The following EML5 variants were observed in gnomAD, a reference collection of about 807,000 sequenced individuals.
EML5 encodes the protein echinoderm microtubule-associated protein-like 5.
Under a neutral mutation model 250.0 loss-of-function variants are expected in EML5, and 120 were observed. That is an observed-to-expected ratio of 0.48 (90% CI 0.41 to 0.56). EML5 has a LOEUF of 0.56. Ranked by LOEUF, EML5 falls within the 20% of genes least tolerant of loss-of-function variation. The pLI, the probability that EML5 is intolerant of heterozygous loss-of-function variation, is 0.00. For synonymous variants in EML5, 771 were observed against 806.5 expected, an observed-to-expected ratio of 0.96 and a Z score of 0.75; for missense variants, 2,006 against 2,437.6, an observed-to-expected ratio of 0.82 and a Z score of 3.73.
At chr14:88,668,060 C>T (rs1013297230) in intron 21 of EML5, among the ~76,000 whole-genome samples, 1 of 152,226 alleles carries the variant, frequency 6.6e-6, no homozygotes, top group Non-Finnish European at 1.5e-5. Flanking sequence ...ACACCATTTC[C>T]AAACAGGTCT....
At chr14:88,780,382 T>C (rs1225052836) in intron 1 of EML5, among the ~76,000 whole-genome samples, 7 of 60,108 alleles carry the variant, frequency 1.2e-4, no homozygotes, top group Non-Finnish European at 1.9e-4. Context: ...AAGGGTAGAT[T>C]TGTTTACTGT....
chr14:88,649,794 T>C (rs1430634172), intron 28 of EML5, 118 bp downstream of exon 28: 2 of 803,632 alleles, frequency 2.5e-6, no homozygotes, highest in Non-Finnish European at 3.8e-6. Flanking sequence ...CATTTTATAA[T>C]GCTTTGTTGA....
At chr14:88,746,514 G>A in intron 2 of EML5, among the ~76,000 whole-genome samples, 1 of 152,048 alleles carries the variant, frequency 6.6e-6, no homozygotes, top group East Asian at 1.9e-4. Flanking sequence ...ATTTCTAACA[G>A]TAGGATTGAC....
intron 2 of EML5, among the ~76,000 whole-genome samples, chr14:88,752,445 C>A (rs1785851245): frequency 6.6e-6 from 1 of 152,124 alleles, no homozygotes; most frequent in Non-Finnish European, 1.5e-5. Context: ...AACATTAAGA[C>A]TTGAAAAATA....
intron 24 of EML5, among the ~76,000 whole-genome samples, chr14:88,662,336 CTTG>C (rs1464328253): frequency 4.6e-4 from 15 of 32,572 alleles, no homozygotes; most frequent in Admixed American, 7.1e-4. Flanking sequence ...CACAATTTTT[CTTG>C]TTTTTTTTTT....
At chr14:88,647,092 T>G in intron 28 of EML5, 137 bp from the exon 29 acceptor site, 2 of 744,798 alleles carry the variant, frequency 2.7e-6, no homozygotes, top group Non-Finnish European at 2.0e-6. Flanking sequence ...TAAAGGCCTG[T>G]TGTTTTTAGT....
intron 31 of EML5, 84 bp from the exon 32 acceptor site, chr14:88,638,991 T>C: frequency 1.0e-6 from 1 of 970,432 alleles, no homozygotes; most frequent in Non-Finnish European, 1.5e-6. Context: ...TAAACTACTC[T>C]TTAACTTATT....
chr14:88,754,781 C>T (rs779903107), intron 1 of EML5, 110 bp from the exon 2 acceptor site: 10 of 930,312 alleles, frequency 1.1e-5, no homozygotes, highest in Middle Eastern at 2.3e-4. Flanking sequence ...TAGACTTTAT[C>T]CACTTTAGAC....
chr14:88,658,128 T>G (rs1291803186), intron 26 of EML5, 59 bp downstream of exon 26: 1 of 1,548,270 alleles, frequency 6.5e-7, no homozygotes. Context: ...TTCCACAGCT[T>G]AAACAAGTTG....
chr14:88,718,607 A>C (rs2093540506), intron 8 of EML5, among the ~76,000 whole-genome samples: 1 of 152,216 alleles, frequency 6.6e-6, no homozygotes, highest in Admixed American at 6.5e-5. Context: ...GACATAGGGT[A>C]CAATTAGTCA....
intron 27 of EML5, among the ~76,000 whole-genome samples, chr14:88,656,195 T>C (rs2091862015): frequency 6.6e-6 from 1 of 152,172 alleles, no homozygotes; most frequent in African/African-American, 2.4e-5. Flanking sequence ...CTGTTCACAA[T>C]AGCAAAGACT....
chr14:88,649,937 A>G lies in EML5; in HGVS notation c.4005-11T>C. On this transcript the variant is annotated splice_polypyrimidine_tract_variant and intron_variant, in intron 27 of 43. Transcript: ENST00000554922. ...CTTACTACTCCCTGCCTTCAAAAGG[A>G]GCAAGGGGGAAAAAAGTAGGAAAAC... 7 of 1,478,182 alleles carry G rather than the reference A, an allele frequency of 4.7e-6. No individual in the cohort carries two copies. Among genetic ancestry groups the G allele is most frequent in the Non-Finnish European group, 6.3e-6 (7 of 1,115,680 alleles). 91.6% of individuals were successfully genotyped at this position (1,478,182 alleles called of 1,614,324 possible).
At chr14:88,731,004 A>G (rs1388715750) in intron 7 of EML5, among the ~76,000 whole-genome samples, 1 of 152,034 alleles carries the variant, frequency 6.6e-6, no homozygotes, top group Non-Finnish European at 1.5e-5. Context: ...GCTCCTGTGG[A>G]TTTAACTAAC....
At chr14:88,734,509 A>C (rs2093809980) in intron 7 of EML5, among the ~76,000 whole-genome samples, 1 of 152,140 alleles carries the variant, frequency 6.6e-6, no homozygotes, top group Non-Finnish European at 1.5e-5. Context: ...AAAGAGATAC[A>C]TAGTTGTCTG....
At position 88,726,584 on chromosome 14, in the gene EML5, C is replaced by T. The variant is rs1323401269; in HGVS notation, c.1144G>A (p.Ala382Thr). 2 of 1,602,420 alleles carry T rather than the reference C, an allele frequency of 1.2e-6. No individual in the cohort carries two copies. The highest frequency in any genetic ancestry group is 3.4e-5 in the Admixed American group (2 of 58,808). ...AAVNADGIHL[A>T]LGMKDGSFTV... ...AATGAGCCATCCTTCATTCCAAGGG[C>T]AAGATGGATTCCATCTGCATTGACA... Residue 382 changes from alanine (A) to threonine (T), a missense_variant, in exon 8 of 44, where the codon GCC becomes ACC. Ala to Thr is a moderately conservative substitution (Grantham distance 58). This residue lies in a region of EML5 where 1,375 missense variants were observed against 1,590.3 expected (regional missense o/e 0.86). Transcript: ENST00000554922.
chr14:88,616,073 G>A, intron 43 of EML5, 69 bp downstream of exon 43: 2 of 1,513,960 alleles, frequency 1.3e-6, no homozygotes, highest in South Asian at 2.3e-5. Flanking sequence ...CAAAGCTGTA[G>A]GAGTTGTTGT....
At chr14:88,761,050 TGA>T (rs1435097903) in intron 1 of EML5, among the ~76,000 whole-genome samples, 2 of 152,126 alleles carry the variant, frequency 1.3e-5, no homozygotes, top group East Asian at 1.9e-4. Flanking sequence ...GTTTTTTGTG[TGA>T]GTTTTTAAAA....
At chr14:88,779,281 A>T (rs763608664) in intron 1 of EML5, among the ~76,000 whole-genome samples, 2 of 152,370 alleles carry the variant, frequency 1.3e-5, no homozygotes, top group Middle Eastern at 3.4e-3. Context: ...AGAAAAAGCG[A>T]AACTATGAGT....
At chr14:88,746,096 A>C in intron 3 of EML5, 89 bp downstream of exon 3, 2 of 1,052,328 alleles carry the variant, frequency 1.9e-6, no homozygotes, top group Admixed American at 2.4e-5. Flanking sequence ...ATCTGGCAAT[A>C]ACAAAATACA....
Sources: gnomAD v4.1 joint callset for allele counts (sites outside exome capture counted in the v4.1 genomes callset) on GRCh38, gnomAD v4.1.1 for gene constraint, gnomAD v4.1.1 regional missense constraint, MANE v1.5 for transcripts, NCBI Gene and HGNC (gene_info 2026-07-23, HGNC 2026-07-21) for gene names.